PCDHGA2: variants seen among roughly 807,000 people sequenced by gnomAD.
PCDHGA2 encodes protocadherin gamma-A2.
A neutral mutation model predicts 59.2 loss-of-function variants in PCDHGA2; 40 were observed. The observed-to-expected ratio is 0.68, with a 90% confidence interval of 0.52 to 0.88. PCDHGA2 has a LOEUF of 0.88. PCDHGA2 is among the 40% of genes least tolerant of loss of function. The pLI is 0.00. For missense variants in PCDHGA2, 1,226 were observed against 1,204.0 expected (o/e 1.02, Z -0.27); for synonymous variants, 560 against 526.0 (o/e 1.06, Z -0.89).
Position 141,393,873 on chromosome 5 carries a change from A to G in PCDHGA2, c.2424+52478A>G, listed in dbSNP as rs759255236. The G allele has an allele frequency of 1.9e-6, 3 of 1,613,916 alleles. No individual in the cohort carries two copies. In the Admixed American group the frequency reaches 5.0e-5, roughly 27 times the overall value. On this transcript the variant is annotated intron_variant, in intron 1 of 3. Coordinates refer to ENST00000394576, the MANE Select transcript of PCDHGA2 (RefSeq NM_018915.4). ...AGAAGTGATCATTACGTCTTTGTTT[A>G]GCCCAGTGTTAGAAAATTCTCTTCC...
intron 1 of PCDHGA2, chr5:141,376,827 C>T (rs954435109): frequency 2.9e-5 from 8 of 271,594 alleles, no homozygotes; most frequent in Middle Eastern, 1.2e-3. Flanking sequence ...GCTGGGACTA[C>T]AGGCGCCCGC....
intron 1 of PCDHGA2, chr5:141,398,743 A>G: frequency 6.2e-7 from 1 of 1,613,864 alleles, no homozygotes; most frequent in Non-Finnish European, 8.5e-7. Flanking sequence ...GGAACAACAG[A>G]GTTACCATCG....
rs1054594374 is a variant in PCDHGA2 at position 141,489,607 on chromosome 5, A to G, written c.2425-5200A>G. On this transcript the variant is annotated intron_variant, in intron 1 of 3. Coordinates refer to ENST00000394576, the MANE Select transcript of PCDHGA2 (RefSeq NM_018915.4). This position sits in a 1 kb window ranked among gnomAD's most constrained non-coding sequence, Gnocchi z 4.5. ...GGAGCTAATCCGTGTAGAGGTAGAG[A>G]TCCTGGATCTCAATGACAACTCTCC... The G allele has an allele frequency of 6.2e-6, 10 of 1,613,850 alleles. No homozygotes were observed. The highest frequency in any genetic ancestry group is 8.5e-6 in the Non-Finnish European group (10 of 1,179,956).
chr5:141,366,355 A>G (rs1196036060), intron 1 of PCDHGA2: 1 of 1,614,004 alleles, frequency 6.2e-7, no homozygotes, highest in Non-Finnish European at 8.5e-7. Context: ...TGGCTGACCT[A>G]GGCAGTATCA....
chr5:141,455,855 C>A (rs1267803457), intron 1 of PCDHGA2, among the ~76,000 whole-genome samples: 4 of 147,088 alleles, frequency 2.7e-5, no homozygotes, highest in African/African-American at 1.0e-4. Flanking sequence ...AAAATAATTT[C>A]TTTTATTATT....
chr5:141,421,791 T>TG, intron 1 of PCDHGA2: 1 of 1,613,792 alleles, frequency 6.2e-7, no homozygotes, highest in Non-Finnish European at 8.5e-7. Flanking sequence ...GCAGAACGGA[T>TG]GGGGCCAAGA....
intron 1 of PCDHGA2, chr5:141,403,929 G>T: frequency 6.2e-7 from 1 of 1,613,854 alleles, no homozygotes; most frequent in Non-Finnish European, 8.5e-7. Flanking sequence ...GATGGTGGGG[G>T]ATTGAAAGGG....
At chr5:141,447,657 C>A (rs997179275) in intron 1 of PCDHGA2, among the ~76,000 whole-genome samples, 4 of 152,088 alleles carry the variant, frequency 2.6e-5, no homozygotes, top group Non-Finnish European at 4.4e-5. Context: ...TTTTCCCCCC[C>A]AGGAAGTTAG....
intron 1 of PCDHGA2, chr5:141,362,189 A>G (rs745893208): frequency 5.6e-6 from 9 of 1,613,796 alleles, no homozygotes; most frequent in Non-Finnish European, 3.4e-6. Context: ...TCTGACCCCC[A>G]GGCAAAACTG....
chr5:141,366,043 T>C (rs1041453851), intron 1 of PCDHGA2: 3 of 1,614,242 alleles, frequency 1.9e-6, no homozygotes, highest in African/African-American at 2.7e-5. Flanking sequence ...CCACAGACGG[T>C]TCCACGGGCG....
At chr5:141,401,079 C>T (rs1245954946) in intron 1 of PCDHGA2, among the ~76,000 whole-genome samples, 16 of 152,196 alleles carry the variant, frequency 1.1e-4, no homozygotes, top group Admixed American at 1.0e-3. Flanking sequence ...TGCAGTGGCT[C>T]ATGCCTGTAA....
intron 1 of PCDHGA2, among the ~76,000 whole-genome samples, chr5:141,445,700 A>G (rs2098474731): frequency 6.6e-6 from 1 of 152,216 alleles, no homozygotes; most frequent in Non-Finnish European, 1.5e-5. Flanking sequence ...TAAAAAAGAA[A>G]TTGTCAGGCA....
intron 1 of PCDHGA2, chr5:141,421,587 G>A: frequency 1.2e-6 from 2 of 1,613,900 alleles, no homozygotes; most frequent in South Asian, 1.1e-5. Context: ...TTTACGGAGT[G>A]GAGGTGGAAA....
At chr5:141,422,090 AGGCTTCTGAAATATTCCAATT>A (rs1561798894) in intron 1 of PCDHGA2, 11 of 1,611,852 alleles carry the variant, frequency 6.8e-6, no homozygotes, top group Non-Finnish European at 9.3e-6. Flanking sequence ...ATGGAAAGCA[AGGCTTCTGAAATATTCCAATT>A]GGATTCACAA....
chr5:141,491,513 A>C lies in PCDHGA2; in HGVS notation c.2425-3294A>C, dbSNP rs1163218369. On this transcript the variant is annotated intron_variant, in intron 1 of 3. Coordinates refer to ENST00000394576, the MANE Select transcript of PCDHGA2 (RefSeq NM_018915.4). The surrounding 1 kb of genome is among the most constrained non-coding windows in gnomAD (Gnocchi z 6.9). ...CAGGTGAGCTCGGACGGCACGCTCAAGTACATGGAGGTGACGCTGCGGCCC... is the reference window on the plus strand; with the variant it reads ...CAGGTGAGCTCGGACGGCACGCTCACGTACATGGAGGTGACGCTGCGGCCC... The C allele has an allele frequency of 6.2e-7, 1 of 1,613,934 alleles. No individual in the cohort carries two copies. Among genetic ancestry groups the C allele is most frequent in the East Asian group, 2.2e-5 (1 of 44,888 alleles).
At chr5:141,399,497 T>C in intron 1 of PCDHGA2, 1 of 1,614,030 alleles carries the variant, frequency 6.2e-7, no homozygotes, top group Non-Finnish European at 8.5e-7. Flanking sequence ...TTAGTCAGTG[T>C]ACCCGAAAAC....
chr5:141,383,168 T>C, intron 1 of PCDHGA2: 1 of 1,614,096 alleles, frequency 6.2e-7, no homozygotes. Flanking sequence ...GCGGGCAGGA[T>C]AGACCGGGAA....
intron 1 of PCDHGA2, chr5:141,423,310 G>A (rs1175296469): frequency 1.2e-6 from 2 of 1,614,180 alleles, no homozygotes; most frequent in Admixed American, 1.7e-5. Flanking sequence ...GCTGTACTTG[G>A]TGGTGGCGGT....
chr5:141,484,697 T>C (rs746981788), intron 1 of PCDHGA2, among the ~76,000 whole-genome samples: 11 of 151,988 alleles, frequency 7.2e-5, no homozygotes, highest in Non-Finnish European at 1.3e-4. Context: ...AGGCTGTGGC[T>C]GTTTTCCCCG....
Sources: gnomAD v4.1 joint callset for allele counts (sites outside exome capture counted in the v4.1 genomes callset) on GRCh38, gnomAD v4.1.1 for gene constraint, Gnocchi (gnomAD v3.1) non-coding constraint, MANE v1.5 for transcripts, NCBI Gene and HGNC (gene_info 2026-07-23, HGNC 2026-07-21) for gene names.